The following LMO2 variants were observed in gnomAD, a reference collection of about 807,000 sequenced individuals.
The protein encoded by LMO2 is rhombotin-2.
LMO2 carries 20 observed loss-of-function variants against 23.2 expected under a neutral mutation model. That is an observed-to-expected ratio of 0.86 (90% CI 0.61 to 1.25). The LOEUF is 1.25. Ranked by LOEUF, LMO2 falls within the 50% of genes most tolerant of loss-of-function variation. The probability of loss-of-function intolerance (pLI) is 0.00; values close to 1 mark genes in which losing one functional copy is unlikely to be tolerated. For missense variants in LMO2, 270 were observed against 315.3 expected (o/e 0.86, Z 1.09); for synonymous variants, 123 against 130.2 (o/e 0.94, Z 0.38).
At chr11:33,868,767 C>T (rs1175649685) in intron 4 of LMO2, among the ~76,000 whole-genome samples, 1 of 152,220 alleles carries the variant, frequency 6.6e-6, no homozygotes, top group Non-Finnish European at 1.5e-5. Context: ...AGATTTACTC[C>T]GGATTTCGCT....
chr11:33,867,768 G>C (rs141257385), intron 4 of LMO2, among the ~76,000 whole-genome samples: 4 of 152,282 alleles, frequency 2.6e-5, no homozygotes, highest in Non-Finnish European at 5.9e-5. Flanking sequence ...CAGTGAAAAA[G>C]CACAAACTTT....
intron 4 of LMO2, among the ~76,000 whole-genome samples, chr11:33,866,243 T>TA (rs1856777933): frequency 1.3e-5 from 2 of 152,320 alleles, no homozygotes; most frequent in South Asian, 4.1e-4. Context: ...TTAGGAGTGC[T>TA]AAAGCCATGC....
In LMO2 at chr11:33,880,285, C is replaced by CATACATATATATG. The variant is rs1461734584; in HGVS notation, c.-272+1538_-272+1539insCATATATATGTAT. On this transcript the variant is annotated intron_variant, in intron 2 of 5. Transcript: ENST00000257818. The surrounding 1 kb of genome is among the most constrained non-coding windows in gnomAD (Gnocchi z 4.3). Reference sequence around the variant, plus strand: ...TATCATACATACACATGATATATATCATATATATCATATATATACATATCA... The same window carrying CATACATATATATG: ...TATCATACATACACATGATATATATCATACATATATATGATATATATCATATATATACATATCA... Among the ~76,000 whole-genome samples, 1 of 53,592 alleles carries CATACATATATATG rather than the reference C, an allele frequency of 1.9e-5. No homozygotes were observed. Among genetic ancestry groups the CATACATATATATG allele is most frequent in the African/African-American group, 7.8e-5 (1 of 12,870 alleles). 35.2% of individuals were successfully genotyped at this position (53,592 alleles called of 152,430 possible).
At chr11:33,862,570 C>T (rs1172093987) in intron 5 of LMO2, among the ~76,000 whole-genome samples, 1 of 150,706 alleles carries the variant, frequency 6.6e-6, no homozygotes, top group East Asian at 2.0e-4. Flanking sequence ...ACAGGCAACT[C>T]AGCCATTGGA....
In LMO2 at chr11:33,864,706, G is replaced by C. The variant is rs753517540; in HGVS notation, c.360C>G (p.His120Gln). ...AGAGGTCGCAGCTCAGGCAGTCCTC[G>C]TGCCAGTACTGGTCGATGGCCTTCA... Reference protein sequence around the residue: ...YFLKAIDQYWHEDCLSCDLCG... With the variant: ...YFLKAIDQYWQEDCLSCDLCG... The change falls in exon 5 of 6, where the codon CAC becomes CAG. Residue 120 changes from histidine (H) to glutamine (Q), a missense_variant. Around this residue, in one of 2 missense-constraint regions of LMO2, gnomAD observed 100 missense variants for 153.3 expected, o/e 0.65. Coordinates refer to ENST00000257818, the MANE Select transcript of LMO2 (RefSeq NM_005574.4). The surrounding 1 kb of genome is among the most constrained non-coding windows in gnomAD (Gnocchi z 4.8). The C allele has an allele frequency of 1.9e-6, 3 of 1,614,072 alleles. No individual in the cohort carries two copies. The highest frequency in any genetic ancestry group is 2.2e-5 in the East Asian group (1 of 44,882).
chr11:33,891,619 C>T (rs1377555812), intron 1 of LMO2, among the ~76,000 whole-genome samples, 176 bp downstream of exon 1: 2 of 152,134 alleles, frequency 1.3e-5, no homozygotes, highest in African/African-American at 2.4e-5. Context: ...TTCCTCCCTC[C>T]GAAAGAGAAG....
rs1170967556 is a variant in LMO2, at chr11:33,864,964, G to A, written c.249-147C>T. 1 of 735,022 alleles carries A rather than the reference G, an allele frequency of 1.4e-6. No individual in the cohort carries two copies. 45.5% of individuals were successfully genotyped at this position (735,022 alleles called of 1,614,324 possible). A position where few individuals can be genotyped will look rare whatever the true frequency, so the allele number is the denominator to read the frequency against. Reference sequence around the variant, plus strand: ...AAGGGACAGGACAACACATCCCTTGGCCAGACTGCAGAGTCCCAACCAACC... The same window carrying A: ...AAGGGACAGGACAACACATCCCTTGACCAGACTGCAGAGTCCCAACCAACC... On this transcript the variant is annotated intron_variant, in intron 4 of 5. Coordinates refer to ENST00000257818, the MANE Select transcript of LMO2 (RefSeq NM_005574.4). The surrounding 1 kb of genome is among the most constrained non-coding windows in gnomAD (Gnocchi z 4.8).
intron 1 of LMO2, among the ~76,000 whole-genome samples, chr11:33,883,267 G>A (rs1459378897): frequency 6.6e-6 from 1 of 152,212 alleles, no homozygotes; most frequent in Non-Finnish European, 1.5e-5. Flanking sequence ...AAAGTATTGT[G>A]TTAAGAAGAA....
At chr11:33,868,091 T>C (rs1005028355) in intron 4 of LMO2, among the ~76,000 whole-genome samples, 1 of 152,238 alleles carries the variant, frequency 6.6e-6, no homozygotes, top group African/African-American at 2.4e-5. Context: ...CCTAGCTCAT[T>C]ACAGAACTGG....
At chr11:33,886,501 C>G (rs566931787) in intron 1 of LMO2, among the ~76,000 whole-genome samples, 1 of 152,104 alleles carries the variant, frequency 6.6e-6, no homozygotes, top group Non-Finnish European at 1.5e-5. Context: ...GCAGTATTGC[C>G]GAGGTGTCCC....
chr11:33,874,850 A>G lies in LMO2; in HGVS notation c.-271-4863T>C, dbSNP rs1857098975. On this transcript the variant is annotated intron_variant, in intron 2 of 5. Transcript: ENST00000257818. ...TTTCATCTGATTTTCCCCTCCAACA[A>G]CTTTCAAACCACCATTTATAATTTA... 3.9e-5 allele frequency among the ~76,000 whole-genome samples: 6 copies of G among 152,286 alleles called. No homozygotes were observed. In the South Asian group the frequency reaches 1.2e-3, roughly 32 times the overall value.
intron 4 of LMO2, among the ~76,000 whole-genome samples, chr11:33,867,179 CTG>C (rs540270037): frequency 2.6e-4 from 39 of 152,348 alleles, no homozygotes; most frequent in African/African-American, 9.1e-4. Flanking sequence ...GCAAGGGAAT[CTG>C]TGTTCATGAA....
At chr11:33,884,704 G>A (rs1025390829) in intron 1 of LMO2, among the ~76,000 whole-genome samples, 2 of 152,150 alleles carry the variant, frequency 1.3e-5, no homozygotes, top group African/African-American at 4.8e-5. Flanking sequence ...TGTAGAATTT[G>A]GTTTCTGTTT....
chr11:33,869,629 C>T (rs1259418485), intron 3 of LMO2, 43 bp from the exon 4 acceptor site: 4 of 1,258,610 alleles, frequency 3.2e-6, no homozygotes, highest in Admixed American at 9.0e-5. Context: ...GGGCTGCGGG[C>T]GCGCCGCGGC....
At chr11:33,870,096 G>A (rs1856971396) in intron 2 of LMO2, 109 bp from the exon 3 acceptor site, 1 of 319,880 alleles carries the variant, frequency 3.1e-6, no homozygotes, top group East Asian at 1.3e-4. Context: ...TTTTAAACGG[G>A]GCTCCTGGGG....
intron 5 of LMO2, among the ~76,000 whole-genome samples, chr11:33,861,102 G>T (rs1856560755): frequency 6.6e-6 from 1 of 152,338 alleles, no homozygotes; most frequent in African/African-American, 2.4e-5. Context: ...GCATGTCAGG[G>T]CACCCATGGT....
intron 2 of LMO2, among the ~76,000 whole-genome samples, chr11:33,874,153 A>G (rs1590645967): frequency 6.6e-6 from 1 of 152,336 alleles, no homozygotes; most frequent in South Asian, 2.1e-4. Flanking sequence ...CGGTTGTCAC[A>G]GGCATCCTGT....
At position 33,869,481 on chromosome 11, in the gene LMO2, G is replaced by GCGACGCCGCCGC; in HGVS notation, c.112_113insGCGGCGGCGTCG (p.Gly37_Ala38insGlyGlyGlyVal). On this transcript the variant is annotated inframe_insertion, in exon 4 of 6. Transcript: ENST00000257818. ...GGCTCGGACCCCCTCGGGTGCTCGGGCGCCGCCGCCGCCGCCGCCGTCGCC... is the reference window on the plus strand; with the variant it reads ...GGCTCGGACCCCCTCGGGTGCTCGGGCGACGCCGCCGCCGCCGCCGCCGCCGCCGCCGTCGCC... 3.3e-6 allele frequency: 4 copies of GCGACGCCGCCGC among 1,206,596 alleles called. No homozygotes were observed. Among genetic ancestry groups the GCGACGCCGCCGC allele is most frequent in the Non-Finnish European group, 4.1e-6 (4 of 968,318 alleles). 74.7% of individuals were successfully genotyped at this position (1,206,596 alleles called of 1,614,324 possible).
chr11:33,879,484 C>T (rs944282764), intron 2 of LMO2, among the ~76,000 whole-genome samples: 22 of 150,128 alleles, frequency 1.5e-4, no homozygotes, highest in Non-Finnish European at 2.7e-4. Flanking sequence ...AAAAAATAGC[C>T]GGGCGTGATG....
Sources: gnomAD v4.1 joint callset for allele counts (sites outside exome capture counted in the v4.1 genomes callset) on GRCh38, gnomAD v4.1.1 for gene constraint, gnomAD v4.1.1 regional missense constraint, Gnocchi (gnomAD v3.1) non-coding constraint, MANE v1.5 for transcripts, NCBI Gene and HGNC (gene_info 2026-07-23, HGNC 2026-07-21) for gene names.